Variants in GPR37L1 observed in about 807,000 individuals in gnomAD.
GPR37L1 encodes the protein G protein-coupled receptor 37 like 1, also known as G protein-coupled receptor 37-like 1.
A neutral mutation model predicts 18.0 loss-of-function variants in GPR37L1; 18 were observed. The ratio of observed to expected loss-of-function variants is 1.00; its 90% CI spans 0.69 to 1.49. The LOEUF (loss-of-function observed/expected upper bound fraction) is 1.49, where lower values mean the gene tolerates loss of function less well. GPR37L1 is among the 40% of genes most tolerant of loss of function. The probability of loss-of-function intolerance (pLI) is 0.00; values close to 1 mark genes in which losing one functional copy is unlikely to be tolerated. For synonymous variants in GPR37L1, 256 were observed against 273.9 expected, an observed-to-expected ratio of 0.93 and a Z score of 0.65; for missense variants, 558 against 615.1, an observed-to-expected ratio of 0.91 and a Z score of 0.98.
chr1:202,130,786 CT>C lies in GPR37L1; in HGVS notation c.*2232del, dbSNP rs986164658. 2 of 152,398 alleles carry C rather than the reference CT, an allele frequency of 1.3e-5. No homozygotes were observed. Among genetic ancestry groups the C allele is most frequent in the Non-Finnish European group, 2.9e-5 (2 of 68,200 alleles). The allele number at this position is 152,398 out of a possible 1,614,324, so 9.4% of individuals were successfully genotyped here. On this transcript the variant is annotated 3_prime_UTR_variant, in exon 2 of 2. Transcript: ENST00000367282. ...CTGCCAGGCCCGGAAGTACCACCAG[CT>C]TCCTAAGGGATGCAGGAAGGGGCCG...
chr1:202,128,661 A>T lies in GPR37L1; in HGVS notation c.*105A>T. The T allele has an allele frequency of 1.4e-6, 1 of 712,704 alleles. No homozygotes were observed. Among genetic ancestry groups the T allele is most frequent in the Non-Finnish European group, 2.3e-6 (1 of 427,136 alleles). 44.1% of individuals were successfully genotyped at this position (712,704 alleles called of 1,614,324 possible). A position where few individuals can be genotyped will look rare whatever the true frequency, so the allele number is the denominator to read the frequency against. On this transcript the variant is annotated 3_prime_UTR_variant, in exon 2 of 2. Transcript: ENST00000367282. ...TTGTTGCCTGTCTTGCTGTCTAGGG[A>T]TGGACTTGGTTCCTCTTGTCAAGGT... is the stretch of plus-strand genomic sequence containing the variant.
rs1412744811 is a variant in GPR37L1, at chr1:202,129,939, GA to G, written c.*1385del. ...AGAGCTGCTCTTGTTCAGTTTCTTA[GA>G]ATGGACTGTTTTGCCTGTAGACGGC... On this transcript the variant is annotated 3_prime_UTR_variant, in exon 2 of 2. Transcript: ENST00000367282. 6.6e-6 allele frequency: 1 copy of G among 152,582 alleles called. No individual in the cohort carries two copies. Among genetic ancestry groups the G allele is most frequent in the African/African-American group, 2.4e-5 (1 of 41,410 alleles). The allele number at this position is 152,582 out of a possible 1,614,324, so 9.5% of individuals were successfully genotyped here.
intron 1 of GPR37L1, 67 bp downstream of exon 1, chr1:202,123,660 A>G (rs1654571276): frequency 2.1e-6 from 3 of 1,420,826 alleles, no homozygotes; most frequent in Non-Finnish European, 2.8e-6. Context: ...CAAAGTCTCC[A>G]TCAGGTCTTT....
At position 202,122,977 on chromosome 1, in the gene GPR37L1, G is replaced by A; in HGVS notation, c.14G>A (p.Trp5Ter). 1 of 1,612,858 alleles carries A rather than the reference G, an allele frequency of 6.2e-7. No individual in the cohort carries two copies. The highest frequency in any genetic ancestry group is 8.5e-7 in the Non-Finnish European group (1 of 1,180,016). MRWL[W>*]PLAVSLAVIL... ...GCTCATCCAGCCATGCGGTGGCTGT[G>A]GCCCCTGGCTGTCTCTCTTGCTGTG... The change falls in exon 1 of 2, where the codon TGG becomes TAG. Residue 5 changes from tryptophan to a stop codon, truncating the protein, a stop_gained. Transcript: ENST00000367282. LOFTEE classifies it high-confidence loss of function.
rs1654784856 is a variant in GPR37L1 at position 202,129,731 on chromosome 1, C to T, written c.*1175C>T. 6.6e-6 allele frequency: 1 copy of T among 152,282 alleles called. No individual in the cohort carries two copies. Among genetic ancestry groups the T allele is most frequent in the Non-Finnish European group, 1.5e-5 (1 of 68,104 alleles). The allele number at this position is 152,282 out of a possible 1,614,324, so 9.4% of individuals were successfully genotyped here. A position where few individuals can be genotyped will look rare whatever the true frequency, so the allele number is the denominator to read the frequency against. Reference sequence around the variant, plus strand: ...CAGAGAGGATGGAGGGCTTGGGGAGCCGGAGGACCTAAGTCCTCATCCTGG... The same window carrying T: ...CAGAGAGGATGGAGGGCTTGGGGAGTCGGAGGACCTAAGTCCTCATCCTGG... On this transcript the variant is annotated 3_prime_UTR_variant, in exon 2 of 2. Coordinates refer to ENST00000367282, the MANE Select transcript of GPR37L1 (RefSeq NM_004767.5).
chr1:202,125,153 CAAAAAAAAA>C (rs10593843), intron 1 of GPR37L1, among the ~76,000 whole-genome samples: 1 of 77,880 alleles, frequency 1.3e-5, no homozygotes, highest in Non-Finnish European at 2.5e-5. Context: ...AATTCTGTCT[CAAAAAAAAA>C]AAAAAAAAAA....
In GPR37L1 at chr1:202,132,120, CTT is replaced by C. The variant is rs1654874544; in HGVS notation, c.*3565_*3566del. On this transcript the variant is annotated 3_prime_UTR_variant, in exon 2 of 2. Coordinates refer to ENST00000367282, the MANE Select transcript of GPR37L1 (RefSeq NM_004767.5). ...TGCTTGCTTCCTGGTAACCAGCTCT[CTT>C]ATCTCAAACCTCAATCCTCAGTGAG... 1 of 152,252 alleles carries C rather than the reference CTT, an allele frequency of 6.6e-6. No individual in the cohort carries two copies. Among genetic ancestry groups the C allele is most frequent in the South Asian group, 2.1e-4 (1 of 4,826 alleles). 9.4% of individuals were successfully genotyped at this position (152,252 alleles called of 1,614,324 possible).
At chr1:202,126,761 G>C (rs1654670763) in intron 1 of GPR37L1, among the ~76,000 whole-genome samples, 1 of 152,098 alleles carries the variant, frequency 6.6e-6, no homozygotes, top group Non-Finnish European at 1.5e-5. Context: ...GGTGGGCACT[G>C]GCTGCTCAGA....
Position 202,128,323 on chromosome 1 carries a change from A to T in GPR37L1, c.1213A>T (p.Thr405Ser), listed in dbSNP as rs1216647834. The stretch of plus-strand genomic sequence containing the variant: ...CCTGGGCCTCATCAACCAGTTCTCC[A>T]CCTTCTTCAAGGGCGCCATCACCCC... ...DLLGLINQFS[T>S]FFKGAITPVL... is the part of the protein sequence containing the mutation. Residue 405 changes from threonine to serine, a missense_variant, in exon 2 of 2, where the codon ACC (threonine) becomes TCC (serine). Transcript: ENST00000367282. The T allele has an allele frequency of 3.1e-6, 5 of 1,613,712 alleles. No individual in the cohort carries two copies. The East Asian group carries it at 1.1e-4, about 36-fold the overall frequency.
chr1:202,124,519 T>C (rs1056171166), intron 1 of GPR37L1, among the ~76,000 whole-genome samples: 6 of 152,248 alleles, frequency 3.9e-5, no homozygotes, highest in African/African-American at 1.4e-4. Context: ...TGTGCATTTA[T>C]GCAAGACACA....
At position 202,124,260 on chromosome 1, in the gene GPR37L1, G is replaced by A. The variant is rs2147804055; in HGVS notation, c.630+667G>A. 1.3e-5 allele frequency among the ~76,000 whole-genome samples: 2 copies of A among 152,284 alleles called. 1 individual carries two copies. The highest frequency in any genetic ancestry group is 4.1e-4 in the South Asian group (2 of 4,824). On this transcript the variant is annotated intron_variant, in intron 1 of 1. Transcript: ENST00000367282. Reference sequence around the variant, plus strand: ...CTGGTTCTGGGCACTGGAACTAATGGGGGGCTCTAGTCTTAGCTCTGCCAC... The same window carrying A: ...CTGGTTCTGGGCACTGGAACTAATGAGGGGCTCTAGTCTTAGCTCTGCCAC...
rs2147806356 is a variant in GPR37L1 at position 202,128,223 on chromosome 1, C to T, written c.1113C>T (p.Cys371=). 1 of 1,613,896 alleles carries T rather than the reference C, an allele frequency of 6.2e-7. No individual in the cohort carries two copies. The highest frequency in any genetic ancestry group is 1.1e-5 in the South Asian group (1 of 91,080). Residue 371 remains cysteine (C), a synonymous_variant, in exon 2 of 2, where the codon TGC becomes TGT. Transcript: ENST00000367282. The part of the protein sequence containing the change: ...VVGLTVVYAF[C]TLPENVCNIV... ...GCCTGACCGTGGTCTACGCCTTCTG[C>T]ACCCTCCCAGAGAACGTCTGCAACA...
chr1:202,123,166 C>A lies in GPR37L1; in HGVS notation c.203C>A (p.Pro68His). 1 of 1,613,286 alleles carries A rather than the reference C, an allele frequency of 6.2e-7. No homozygotes were observed. Among genetic ancestry groups the A allele is most frequent in the East Asian group, 2.2e-5 (1 of 44,848 alleles). The change falls in exon 1 of 2, where the codon CCC becomes CAC. Residue 68 changes from proline to histidine, a missense_variant. Physicochemically the swap from Pro to His is moderately conservative, Grantham distance 77. Coordinates refer to ENST00000367282, the MANE Select transcript of GPR37L1 (RefSeq NM_004767.5). ...GTGCCTGAGGAGTGGGCGGAGTACC[C>A]CCGGCCCATTCACCCTGCTGGCCTG... ...QYVPEEWAEY[P>H]RPIHPAGLQP...
At chr1:202,126,771 A>AG (rs1654671168) in intron 1 of GPR37L1, among the ~76,000 whole-genome samples, 1 of 151,664 alleles carries the variant, frequency 6.6e-6, no homozygotes, top group South Asian at 2.1e-4. Context: ...GGCTGCTCAG[A>AG]GGGGGGCCAC....
chr1:202,127,265 T>C (rs1654688585), intron 1 of GPR37L1, among the ~76,000 whole-genome samples: 1 of 150,650 alleles, frequency 6.6e-6, no homozygotes, highest in Non-Finnish European at 1.5e-5. Flanking sequence ...ACCATTATTA[T>C]AATTCCTTCC....
chr1:202,127,267 A>ATTCCTTCCTTCT (rs1297815766), intron 1 of GPR37L1, among the ~76,000 whole-genome samples: 1 of 148,420 alleles, frequency 6.7e-6, no homozygotes, highest in Admixed American at 6.8e-5. Flanking sequence ...CATTATTATA[A>ATTCCTTCCTTCT]TTCCTTCCTT....
intron 1 of GPR37L1, among the ~76,000 whole-genome samples, chr1:202,126,462 T>C (rs4376792): frequency 0.87 from 132,279 of 152,026 alleles, 57,760 homozygotes; most frequent in South Asian, 0.91. Context: ...CCTGTGCCTC[T>C]GCAGGCCTGG....
In GPR37L1 at chr1:202,130,894, C is replaced by T. The variant is rs1171594232; in HGVS notation, c.*2338C>T. On this transcript the variant is annotated 3_prime_UTR_variant, in exon 2 of 2. Transcript: ENST00000367282. ...GGGGTCCTCCTCCACAAAGGGTGCCCTCCACCTCTCCCTCCTGCTGGTTGG... is the reference window on the plus strand; with the variant it reads ...GGGGTCCTCCTCCACAAAGGGTGCCTTCCACCTCTCCCTCCTGCTGGTTGG... 1 of 152,286 alleles carries T rather than the reference C, an allele frequency of 6.6e-6. No individual in the cohort carries two copies. The highest frequency in any genetic ancestry group is 1.5e-5 in the Non-Finnish European group (1 of 68,116). 9.4% of individuals were successfully genotyped at this position (152,286 alleles called of 1,614,324 possible). A position where few individuals can be genotyped will look rare whatever the true frequency, so the allele number is the denominator to read the frequency against.
chr1:202,127,077 G>T (rs886290279), intron 1 of GPR37L1, among the ~76,000 whole-genome samples: 2 of 152,128 alleles, frequency 1.3e-5, no homozygotes, highest in African/African-American at 4.8e-5. Flanking sequence ...AAGAACAAGG[G>T]GGAAGGAGGC....
Sources: allele counts gnomAD v4.1 joint callset (sites outside exome capture counted in the v4.1 genomes callset), GRCh38; gene constraint gnomAD v4.1.1; transcripts MANE v1.5; gene names NCBI Gene and HGNC (gene_info 2026-07-23, HGNC 2026-07-21).